The following KCNMA1 variants were observed in gnomAD, a reference collection of about 807,000 sequenced individuals.
The protein encoded by KCNMA1 is potassium calcium-activated channel subfamily M alpha 1, also known as Calcium-activated potassium channel subunit alpha-1.
KCNMA1 carries 29 observed loss-of-function variants against 140.0 expected under a neutral mutation model. That is an observed-to-expected ratio of 0.21 (90% CI 0.15 to 0.28). KCNMA1 has a LOEUF of 0.28. KCNMA1 is among the 10% of genes least tolerant of loss of function. The pLI is 1.00. For synonymous variants in KCNMA1, 612 were observed against 611.9 expected (o/e 1.00, Z 0.00); for missense variants, 880 against 1,602.2 (o/e 0.55, Z 7.70).
intron 1 of KCNMA1, among the ~76,000 whole-genome samples, chr10:77,507,208 G>A (rs1443557484): frequency 1.4e-4 from 21 of 152,176 alleles, no homozygotes; most frequent in Admixed American, 1.4e-3. Flanking sequence ...CAGCTCTATG[G>A]AACACCATGG....
intron 16 of KCNMA1, among the ~76,000 whole-genome samples, chr10:77,023,594 A>G (rs1247302489): frequency 6.6e-6 from 1 of 152,204 alleles, no homozygotes; most frequent in Non-Finnish European, 1.5e-5. Context: ...TTCTTTGATC[A>G]CACAAGTTCA....
chr10:76,887,015 C>A lies in KCNMA1; in HGVS notation c.*251G>T, dbSNP rs200223933. 4.5e-6 allele frequency: 6 copies of A among 1,344,384 alleles called. No individual in the cohort carries two copies. Among genetic ancestry groups the A allele is most frequent in the Non-Finnish European group, 4.8e-6 (5 of 1,039,590 alleles). 83.3% of individuals were successfully genotyped at this position (1,344,384 alleles called of 1,614,324 possible). On this transcript the variant is annotated 3_prime_UTR_variant, in exon 28 of 28. Transcript: ENST00000286628. The stretch of plus-strand genomic sequence containing the variant: ...GTGAGCTATTTATGTCTGGAGCATG[C>A]CTTTGGGTTATTTTTCCCCCAGAAT...
At chr10:77,352,097 G>A (rs1382323777) in intron 2 of KCNMA1, among the ~76,000 whole-genome samples, 1 of 152,218 alleles carries the variant, frequency 6.6e-6, no homozygotes, top group East Asian at 1.9e-4. Context: ...CCACACCTGT[G>A]CCAGCCACAA....
chr10:77,457,917 A>T (rs2097786942), intron 1 of KCNMA1, among the ~76,000 whole-genome samples: 1 of 152,232 alleles, frequency 6.6e-6, no homozygotes, highest in Non-Finnish European at 1.5e-5. Flanking sequence ...AATGTAGTTA[A>T]AAACTGTTTA....
At chr10:77,571,924 T>G (rs75333976) in intron 1 of KCNMA1, among the ~76,000 whole-genome samples, 3,025 of 152,210 alleles carry the variant, frequency 0.02, 56 homozygotes, top group Middle Eastern at 0.058. Flanking sequence ...TAGATGTATT[T>G]ATAGGAAAAG....
intron 3 of KCNMA1, chr10:77,250,075 G>T (rs1489236662): frequency 1.3e-5 from 2 of 152,162 alleles, no homozygotes; most frequent in Non-Finnish European, 2.9e-5. Context: ...AAAATCCTTG[G>T]CCGGTGACCA....
chr10:77,512,932 C>T (rs1203539615), intron 1 of KCNMA1, among the ~76,000 whole-genome samples: 1 of 152,194 alleles, frequency 6.6e-6, no homozygotes, highest in African/African-American at 2.4e-5. Flanking sequence ...GGCCCTTCTG[C>T]TTCCACTCCT....
Position 77,301,811 on chromosome 10 carries a change from C to T in KCNMA1, c.541-50555G>A, listed in dbSNP as rs142926277. On this transcript the variant is annotated intron_variant, in intron 2 of 27. Transcript: ENST00000286628. ...AATTGGCAATCCAGTGAGAAAGCTA[C>T]GCTAGGCATCCTAGATGCTTTTAGA... Among the ~76,000 whole-genome samples, 719 of 149,678 alleles carry T rather than the reference C, an allele frequency of 4.8e-3. 7 individuals are homozygous for T. Among genetic ancestry groups the T allele is most frequent in the African/African-American group, 0.015 (589 of 40,542 alleles).
At chr10:77,634,753 C>T in intron 1 of KCNMA1, 1 of 497,534 alleles carries the variant, frequency 2.0e-6, no homozygotes, top group Non-Finnish European at 2.6e-6. Flanking sequence ...CTACCAAATA[C>T]TTGGAAAGAA....
chr10:77,075,595 CTG>C (rs2096369276), intron 13 of KCNMA1, among the ~76,000 whole-genome samples: 1 of 152,206 alleles, frequency 6.6e-6, no homozygotes, highest in Non-Finnish European at 1.5e-5. Context: ...GGTTTGAGTT[CTG>C]TAGGCATATT....
rs1202169376 is a variant in KCNMA1 at position 77,573,626 on chromosome 10, TGG to T, written c.378+63637_378+63638del. Among the ~76,000 whole-genome samples, 12 of 84,188 alleles carry T rather than the reference TGG, an allele frequency of 1.4e-4. 1 individual carries two copies. Among genetic ancestry groups the T allele is most frequent in the African/African-American group, 6.0e-4 (12 of 20,022 alleles). 55.2% of individuals were successfully genotyped at this position (84,188 alleles called of 152,430 possible). A position where few individuals can be genotyped will look rare whatever the true frequency, so the allele number is the denominator to read the frequency against. On this transcript the variant is annotated intron_variant, in intron 1 of 27. Transcript: ENST00000286628. Reference sequence around the variant, plus strand: ...TTTAAGAAAATGGAATGGAATGGAATGGAATGGAATGGAATGGAATAGAATAG... The same window carrying T: ...TTTAAGAAAATGGAATGGAATGGAATAATGGAATGGAATGGAATAGAATAG...
chr10:77,025,250 A>ATATATATATATG (rs1470807935), intron 16 of KCNMA1, among the ~76,000 whole-genome samples: 14 of 79,676 alleles, frequency 1.8e-4, no homozygotes, highest in African/African-American at 7.2e-4. Context: ...GTGTATATAT[A>ATATATATATATG]TATATATATA....
intron 19 of KCNMA1, chr10:76,995,326 T>C (rs2083925636): frequency 4.2e-6 from 1 of 235,668 alleles, no homozygotes; most frequent in Non-Finnish European, 8.9e-6. Flanking sequence ...TCTTTGTTAA[T>C]AAGTTATGTC....
At chr10:77,274,947 T>C (rs1220061892) in intron 2 of KCNMA1, among the ~76,000 whole-genome samples, 1 of 152,226 alleles carries the variant, frequency 6.6e-6, no homozygotes, top group Non-Finnish European at 1.5e-5. Context: ...TGGCTGGCCA[T>C]GGTGTCCACC....
At chr10:77,213,171 A>T (rs1382870271) in intron 3 of KCNMA1, among the ~76,000 whole-genome samples, 1 of 151,638 alleles carries the variant, frequency 6.6e-6, no homozygotes, top group African/African-American at 2.4e-5. Context: ...TAATGATACA[A>T]TTATGATGTA....
At chr10:77,506,584 A>AGTGTGTGTGTGTGT (rs1373201126) in intron 1 of KCNMA1, among the ~76,000 whole-genome samples, 3 of 107,558 alleles carry the variant, frequency 2.8e-5, no homozygotes, top group African/African-American at 1.6e-4. Context: ...AGAGAGAGAG[A>AGTGTGTGTGTGTGT]GAGAGAGAGA....
intron 9 of KCNMA1, among the ~76,000 whole-genome samples, chr10:77,101,321 G>A (rs920167770): frequency 6.6e-6 from 1 of 152,148 alleles, no homozygotes; most frequent in Non-Finnish European, 1.5e-5. Flanking sequence ...ATTAGGGCAA[G>A]CTCATTTTTT....
chr10:77,133,896 C>A lies in KCNMA1; in HGVS notation c.809-12848G>T, dbSNP rs11002034. 0.01 allele frequency among the ~76,000 whole-genome samples: 1,523 copies of A among 152,156 alleles called. 68 individuals are homozygous for A. The East Asian group carries it at 0.14, about 14-fold the overall frequency. On this transcript the variant is annotated intron_variant, in intron 5 of 27. Coordinates refer to ENST00000286628, the MANE Select transcript of KCNMA1 (RefSeq NM_001161352.2). ...TCTAAAATGCAAAAATCATCTAAGTCACATTTACCACAAAGCAATAGAATA... is the reference window on the plus strand; with the variant it reads ...TCTAAAATGCAAAAATCATCTAAGTAACATTTACCACAAAGCAATAGAATA...
At chr10:77,632,965 G>T (rs1397553005) in intron 1 of KCNMA1, among the ~76,000 whole-genome samples, 2 of 152,220 alleles carry the variant, frequency 1.3e-5, no homozygotes, top group Non-Finnish European at 2.9e-5. Context: ...TGAGATCCAT[G>T]ATTTGAACTT....
Sources: allele counts gnomAD v4.1 joint callset (sites outside exome capture counted in the v4.1 genomes callset), GRCh38; gene constraint gnomAD v4.1.1; transcripts MANE v1.5; gene names NCBI Gene and HGNC (gene_info 2026-07-23, HGNC 2026-07-21).